Variants in FMN2 observed in about 807,000 individuals in gnomAD.
The protein encoded by FMN2 is formin 2, also known as formin-2.
Under a neutral mutation model 142.3 loss-of-function variants are expected in FMN2, and 51 were observed. The ratio of observed to expected loss-of-function variants is 0.36; its 90% CI spans 0.29 to 0.45. The LOEUF (loss-of-function observed/expected upper bound fraction) is 0.45. FMN2 is among the 20% of genes least tolerant of loss of function. The pLI is 1.00. For synonymous variants in FMN2, 882 were observed against 869.8 expected (o/e 1.01, Z -0.25); for missense variants, 1,936 against 2,122.8 (o/e 0.91, Z 1.73).
chr1:240,428,416 G>A (rs1675032075), intron 15 of FMN2, among the ~76,000 whole-genome samples: 1 of 147,438 alleles, frequency 6.8e-6, no homozygotes, highest in South Asian at 2.3e-4. Flanking sequence ...GTGTAGAGAT[G>A]AGGTCTTGCT....
At chr1:240,385,062 T>TA (rs1311164344) in intron 14 of FMN2, among the ~76,000 whole-genome samples, 16 of 152,214 alleles carry the variant, frequency 1.1e-4, no homozygotes, top group Admixed American at 5.9e-4. Context: ...ATTGTAATGT[T>TA]AAATTATGTG....
intron 6 of FMN2, among the ~76,000 whole-genome samples, chr1:240,220,446 T>A (rs1667060458): frequency 1.3e-5 from 2 of 152,136 alleles, no homozygotes; most frequent in African/African-American, 4.8e-5. Context: ...AGAAGCTTTA[T>A]AACAGGCAAG....
intron 6 of FMN2, among the ~76,000 whole-genome samples, chr1:240,232,006 T>C (rs1558382704): frequency 6.6e-6 from 1 of 152,208 alleles, no homozygotes; most frequent in East Asian, 1.9e-4. Flanking sequence ...ACTTATATTC[T>C]CTACCATGAG....
chr1:240,109,541 C>G (rs781578251), intron 1 of FMN2, among the ~76,000 whole-genome samples: 3 of 152,186 alleles, frequency 2.0e-5, no homozygotes, highest in African/African-American at 7.2e-5. Context: ...AACCTATGTA[C>G]ACCCTTCATT....
At chr1:240,162,944 A>T (rs909407627) in intron 2 of FMN2, among the ~76,000 whole-genome samples, 1 of 152,164 alleles carries the variant, frequency 6.6e-6, no homozygotes, top group South Asian at 2.1e-4. Flanking sequence ...GCAAATATTT[A>T]TATTATCCTT....
At chr1:240,192,469 C>A (rs1339951301) in intron 4 of FMN2, among the ~76,000 whole-genome samples, 1 of 152,114 alleles carries the variant, frequency 6.6e-6, no homozygotes, top group Non-Finnish European at 1.5e-5. Flanking sequence ...TCTTTCTCAA[C>A]TCCAAGGCAA....
chr1:240,377,432 T>C (rs897325531), intron 14 of FMN2, among the ~76,000 whole-genome samples: 29 of 152,310 alleles, frequency 1.9e-4, no homozygotes, highest in African/African-American at 6.5e-4. Context: ...ACAAACTTCA[T>C]AGCTTAAAAC....
intron 6 of FMN2, among the ~76,000 whole-genome samples, chr1:240,239,211 G>A (rs1484435825): frequency 6.6e-6 from 1 of 152,204 alleles, no homozygotes. Flanking sequence ...TGGGACAATA[G>A]AGTTGAAGAT....
At chr1:240,289,619 G>A (rs1031351946) in intron 7 of FMN2, among the ~76,000 whole-genome samples, 7 of 152,098 alleles carry the variant, frequency 4.6e-5, no homozygotes, top group Non-Finnish European at 1.0e-4. Flanking sequence ...GTCTGAGGCT[G>A]CAGTGAGCTA....
chr1:240,120,810 A>G (rs931830469), intron 1 of FMN2, among the ~76,000 whole-genome samples: 1 of 152,218 alleles, frequency 6.6e-6, no homozygotes, highest in Admixed American at 6.5e-5. Flanking sequence ...GAGATTTTCC[A>G]TTTCCTCTGA....
At chr1:240,133,687 C>T (rs1343335680) in intron 2 of FMN2, among the ~76,000 whole-genome samples, 1 of 152,168 alleles carries the variant, frequency 6.6e-6, no homozygotes, top group Non-Finnish European at 1.5e-5. Context: ...CTGCTCCCCA[C>T]TATTATTTCC....
At chr1:240,102,793 T>C (rs1262995021) in intron 1 of FMN2, among the ~76,000 whole-genome samples, 3 of 152,238 alleles carry the variant, frequency 2.0e-5, no homozygotes, top group East Asian at 1.9e-4. Flanking sequence ...ACTGCAGTGA[T>C]TTAAGTGGAG....
In FMN2 at chr1:240,093,299, T is replaced by G; in HGVS notation, c.1190T>G (p.Leu397Arg). The change falls in exon 1 of 18, where the codon CTG becomes CGG. Residue 397 changes from leucine to arginine, a missense_variant. Leu to Arg is a moderately radical substitution (Grantham distance 102). Around this residue, in one of 8 missense-constraint regions of FMN2, gnomAD observed 751 missense variants for 791.8 expected, o/e 0.95. Coordinates refer to ENST00000319653, the MANE Select transcript of FMN2 (RefSeq NM_020066.5). ...CCTGACGCCCCCGCGGCCGCTTCCC[T>G]GCCCGGCAGCCCCGCGCCTAGCCAG... ...QGPDAPAAAS[L>R]PGSPAPSQRC... The G allele has an allele frequency of 6.2e-7, 1 of 1,607,792 alleles. No individual in the cohort carries two copies. The highest frequency in any genetic ancestry group is 8.5e-7 in the Non-Finnish European group (1 of 1,177,620).
At chr1:240,200,003 C>T (rs780706349) in intron 4 of FMN2, among the ~76,000 whole-genome samples, 1 of 152,140 alleles carries the variant, frequency 6.6e-6, no homozygotes, top group Non-Finnish European at 1.5e-5. Flanking sequence ...CTGTAGAAGG[C>T]TAAAGATAAT....
At chr1:240,294,667 C>G (rs1669906393) in intron 7 of FMN2, among the ~76,000 whole-genome samples, 155 bp from the exon 8 acceptor site, 1 of 152,200 alleles carries the variant, frequency 6.6e-6, no homozygotes, top group Admixed American at 6.5e-5. Context: ...CAGCGAAATT[C>G]CTGGTGCAGG....
chr1:240,122,325 G>A (rs1347603260), intron 1 of FMN2, among the ~76,000 whole-genome samples: 1 of 151,882 alleles, frequency 6.6e-6, no homozygotes, highest in Non-Finnish European at 1.5e-5. Flanking sequence ...GTGCAGTGGT[G>A]CGATCTCGGC....
chr1:240,444,788 A>G (rs1048837322), intron 16 of FMN2, among the ~76,000 whole-genome samples: 1 of 152,240 alleles, frequency 6.6e-6, no homozygotes, highest in African/African-American at 2.4e-5. Context: ...AGTGAACTAC[A>G]TGTTCAGATT....
intron 7 of FMN2, among the ~76,000 whole-genome samples, chr1:240,286,418 A>G (rs565309051): frequency 2.0e-5 from 3 of 152,320 alleles, no homozygotes; most frequent in Admixed American, 1.3e-4. Flanking sequence ...GCATTCATCC[A>G]GTGCTCCTTG....
intron 4 of FMN2, among the ~76,000 whole-genome samples, chr1:240,204,870 C>T (rs566621997): frequency 6.6e-6 from 1 of 152,262 alleles, no homozygotes; most frequent in African/African-American, 2.4e-5. Flanking sequence ...CCCTTTCTGT[C>T]TTGTCCATCT....
Sources: allele counts gnomAD v4.1 joint callset (sites outside exome capture counted in the v4.1 genomes callset), GRCh38; gene constraint gnomAD v4.1.1; regional missense constraint gnomAD v4.1.1; transcripts MANE v1.5; gene names NCBI Gene and HGNC (gene_info 2026-07-23, HGNC 2026-07-21).